Variants in QSOX1 observed in about 807,000 individuals in gnomAD.
QSOX1 encodes quiescin sulfhydryl oxidase 1.
In QSOX1, 40 loss-of-function variants were observed where a neutral mutation model predicts 76.1. The observed-to-expected ratio is 0.53, with a 90% CI of 0.41 to 0.68. The LOEUF (loss-of-function observed/expected upper bound fraction) is 0.68, where lower values mean the gene tolerates loss of function less well. Ranked by LOEUF, QSOX1 falls within the 30% of genes least tolerant of loss-of-function variation. The pLI, the probability that QSOX1 is intolerant of heterozygous loss-of-function variation, is 0.00. For synonymous variants in QSOX1, 392 were observed against 413.1 expected (o/e 0.95, Z 0.62); for missense variants, 931 against 974.3 (o/e 0.96, Z 0.59).
chr1:180,197,159 G>A lies in QSOX1; in HGVS notation c.*122G>A. On this transcript the variant is annotated 3_prime_UTR_variant, in exon 12 of 12. Transcript: ENST00000367602. The stretch of plus-strand genomic sequence containing the variant: ...TGGCCTAGAAGTGTGGGAAATTCAG[G>A]AAAACGAGTTGCTCCAGTGAAGCTT... The A allele has an allele frequency of 7.9e-6, 12 of 1,510,696 alleles. No individual in the cohort carries two copies. The South Asian group carries it at 1.3e-4, about 16-fold the overall frequency. 93.6% of individuals were successfully genotyped at this position (1,510,696 alleles called of 1,614,324 possible).
rs1473926032 is a variant in QSOX1, at chr1:180,200,121, G to A, written c.*3084G>A. 2 of 152,198 alleles carry A rather than the reference G, an allele frequency of 1.3e-5. No homozygotes were observed. Among genetic ancestry groups the A allele is most frequent in the Admixed American group, 1.3e-4 (2 of 15,288 alleles). The allele number at this position is 152,198 out of a possible 1,614,324, so 9.4% of individuals were successfully genotyped here. A position where few individuals can be genotyped will look rare whatever the true frequency, so the allele number is the denominator to read the frequency against. ...CCAGCCTTGAAGAGAATGGACTCTGGAATCTGACGTCTGGGTTTGAATCCA... is the reference window on the plus strand; with the variant it reads ...CCAGCCTTGAAGAGAATGGACTCTGAAATCTGACGTCTGGGTTTGAATCCA... On this transcript the variant is annotated 3_prime_UTR_variant, in exon 12 of 12. Transcript: ENST00000367602.
intron 4 of QSOX1, among the ~76,000 whole-genome samples, chr1:180,176,958 C>T (rs1345434407): frequency 6.6e-6 from 1 of 152,222 alleles, no homozygotes; most frequent in Non-Finnish European, 1.5e-5. Context: ...GAATCCAACT[C>T]ACAATGACTC....
intron 2 of QSOX1, among the ~76,000 whole-genome samples, chr1:180,170,534 G>A (rs111885712): frequency 3.3e-5 from 5 of 152,274 alleles, no homozygotes; most frequent in African/African-American, 1.2e-4. Context: ...CCAGCCTGGT[G>A]TTGCCTGGTT....
rs2149245675 is a variant in QSOX1, at chr1:180,201,976, G to A, written c.*4939G>A. ...CAGTGGCCTCGGCGAGGGTCAGTTG[G>A]ACTGCATAGCTGCCGGCTGAGTCTC... On this transcript the variant is annotated 3_prime_UTR_variant, in exon 12 of 12. Coordinates refer to ENST00000367602, the MANE Select transcript of QSOX1 (RefSeq NM_002826.5). The A allele has an allele frequency of 6.6e-6, 1 of 152,470 alleles. No homozygotes were observed. Among genetic ancestry groups the A allele is most frequent in the South Asian group, 2.1e-4 (1 of 4,828 alleles). The allele number at this position is 152,470 out of a possible 1,614,324, so 9.4% of individuals were successfully genotyped here.
At chr1:180,179,317 G>A (rs1558188638) in intron 5 of QSOX1, among the ~76,000 whole-genome samples, 1 of 152,212 alleles carries the variant, frequency 6.6e-6, no homozygotes. Flanking sequence ...ATATTTGGGA[G>A]GGAGGGAACA....
chr1:180,178,097 C>A (rs1662941947), intron 4 of QSOX1, among the ~76,000 whole-genome samples: 1 of 152,094 alleles, frequency 6.6e-6, no homozygotes, highest in South Asian at 2.1e-4. Flanking sequence ...GGTTCTAATA[C>A]CCCCCAGCTC....
chr1:180,179,126 G>A (rs1662968932), intron 5 of QSOX1, among the ~76,000 whole-genome samples: 1 of 152,212 alleles, frequency 6.6e-6, no homozygotes, highest in South Asian at 2.1e-4. Context: ...CTGTTATTGA[G>A]CATTGGACCA....
chr1:180,190,412 T>C (rs1663279074), intron 9 of QSOX1, 21 bp from the exon 10 acceptor site: 2 of 1,606,940 alleles, frequency 1.2e-6, no homozygotes, highest in African/African-American at 1.3e-5. Context: ...ATATGTGCAC[T>C]CACACTCATG....
intron 5 of QSOX1, among the ~76,000 whole-genome samples, chr1:180,180,398 C>T (rs772751333): frequency 2.6e-5 from 4 of 152,098 alleles, no homozygotes; most frequent in East Asian, 1.9e-4. Flanking sequence ...TCAGTAGAGA[C>T]GTGGTTTCAC....
In QSOX1 at chr1:180,179,094, C is replaced by T. The variant is rs529058278; in HGVS notation, c.606+210C>T. Among the ~76,000 whole-genome samples, 34 of 152,360 alleles carry T rather than the reference C, an allele frequency of 2.2e-4. No homozygotes were observed. The East Asian group carries it at 6.2e-3, about 28-fold the overall frequency. On this transcript the variant is annotated intron_variant, in intron 5 of 11. Coordinates refer to ENST00000367602, the MANE Select transcript of QSOX1 (RefSeq NM_002826.5). ...TTGCTGTTTATTCTTATCTCCTTCA[C>T]GGAAATCAAATATAACACCTGCTGT... is the stretch of plus-strand genomic sequence containing the variant.
At chr1:180,163,963 G>A (rs1474246198) in intron 1 of QSOX1, among the ~76,000 whole-genome samples, 1 of 152,206 alleles carries the variant, frequency 6.6e-6, no homozygotes, top group Non-Finnish European at 1.5e-5. Flanking sequence ...ACGGAGGGTA[G>A]GTTGGAGGTG....
chr1:180,189,200 C>T (rs1663246229), intron 8 of QSOX1, among the ~76,000 whole-genome samples: 1 of 152,174 alleles, frequency 6.6e-6, no homozygotes, highest in African/African-American at 2.4e-5. Context: ...GCAAGGGGCA[C>T]AAGTGCTCCA....
intron 1 of QSOX1, among the ~76,000 whole-genome samples, chr1:180,157,973 C>G (rs1447464797): frequency 6.6e-6 from 1 of 152,236 alleles, no homozygotes; most frequent in Non-Finnish European, 1.5e-5. Flanking sequence ...AATCTGATCA[C>G]CAGAGGCCTT....
Position 180,196,644 on chromosome 1 carries a change from A to G in QSOX1, c.1851A>G (p.Pro617=). 1 of 1,614,140 alleles carries G rather than the reference A, an allele frequency of 6.2e-7. No individual in the cohort carries two copies. The part of the protein sequence containing the change: ...PKLHPGLRAA[P]GQEPPEHMAE... ...TGCACCCTGGCCTCAGAGCTGCACC[A>G]GGCCAGGAGCCTCCTGAGCACATGG... Residue 617 remains proline (P), a synonymous_variant, in exon 12 of 12, where the codon CCA becomes CCG. Transcript: ENST00000367602. This position sits in a 1 kb window ranked among gnomAD's most constrained non-coding sequence, Gnocchi z 4.1.
In QSOX1 at chr1:180,196,488, G is replaced by C; in HGVS notation, c.1695G>C (p.Ala565=). 6.2e-7 allele frequency: 1 copy of C among 1,614,038 alleles called. No individual in the cohort carries two copies. The highest frequency in any genetic ancestry group is 8.5e-7 in the Non-Finnish European group (1 of 1,179,886). ...ATGTGGCAGCCGCCCCAGAGCTGGCGATGGGAGCCCTGGAGCTGGAAAGCC... is the reference window on the plus strand; with the variant it reads ...ATGTGGCAGCCGCCCCAGAGCTGGCCATGGGAGCCCTGGAGCTGGAAAGCC... ...VQNVAAAPEL[A]MGALELESRN... is the part of the protein sequence containing the mutation. The change falls in exon 12 of 12, where the codon GCG becomes GCC. Residue 565 remains alanine, a synonymous_variant. Transcript: ENST00000367602. This position sits in a 1 kb window ranked among gnomAD's most constrained non-coding sequence, Gnocchi z 4.1.
intron 1 of QSOX1, among the ~76,000 whole-genome samples, chr1:180,156,438 T>G (rs1662378151): frequency 6.6e-6 from 1 of 152,210 alleles, no homozygotes; most frequent in African/African-American, 2.4e-5. Flanking sequence ...CTGGAACCAT[T>G]GTTCCACTGT....
Position 180,184,311 on chromosome 1 carries a change from G to A in QSOX1, c.887+261G>A, listed in dbSNP as rs529427642. Among the ~76,000 whole-genome samples the A allele has an allele frequency of 6.6e-5, 10 of 152,246 alleles. No homozygotes were observed. In the South Asian group the frequency reaches 2.1e-3, roughly 32 times the overall value. On this transcript the variant is annotated intron_variant, in intron 7 of 11. Transcript: ENST00000367602. ...GGGAATGAACACCTTCCATGCCCAC[G>A]CTCCTTCAGCTTAACTCTGCTCACA...
intron 11 of QSOX1, among the ~76,000 whole-genome samples, chr1:180,195,479 C>T (rs144956402): frequency 5.3e-4 from 80 of 152,320 alleles, no homozygotes; most frequent in African/African-American, 1.7e-3. Context: ...CCTATTAAAA[C>T]CTTTAGGAGA....
At position 180,199,168 on chromosome 1, in the gene QSOX1, G is replaced by A; in HGVS notation, c.*2131G>A. The stretch of plus-strand genomic sequence containing the variant: ...CAGCCCCTCTGGTTGATAAACGGGT[G>A]GGCCTCCTCAGCAGCGTGGCTGCCT... On this transcript the variant is annotated 3_prime_UTR_variant, in exon 12 of 12. Coordinates refer to ENST00000367602, the MANE Select transcript of QSOX1 (RefSeq NM_002826.5). 1 of 152,384 alleles carries A rather than the reference G, an allele frequency of 6.6e-6. No individual in the cohort carries two copies. The highest frequency in any genetic ancestry group is 1.9e-4 in the East Asian group (1 of 5,168). The allele number at this position is 152,384 out of a possible 1,614,324, so 9.4% of individuals were successfully genotyped here. A position where few individuals can be genotyped will look rare whatever the true frequency, so the allele number is the denominator to read the frequency against.
Sources: gnomAD v4.1 joint callset for allele counts (sites outside exome capture counted in the v4.1 genomes callset) on GRCh38, gnomAD v4.1.1 for gene constraint, Gnocchi (gnomAD v3.1) non-coding constraint, MANE v1.5 for transcripts, NCBI Gene and HGNC (gene_info 2026-07-23, HGNC 2026-07-21) for gene names.